Variants in EPHA5 observed in about 807,000 individuals in gnomAD.
EPHA5 encodes ephrin type-A receptor 5.
EPHA5 carries 60 observed loss-of-function variants against 105.0 expected under a neutral mutation model. The observed-to-expected ratio is 0.57, with a 90% confidence interval of 0.46 to 0.71. The LOEUF (loss-of-function observed/expected upper bound fraction) is 0.71. Among genes scored for constraint, EPHA5 ranks in the 30% least tolerant of loss-of-function variants. The probability of loss-of-function intolerance (pLI) is 0.00; values close to 1 mark genes in which losing one functional copy is unlikely to be tolerated. For missense variants in EPHA5, 1,218 were observed against 1,274.7 expected (o/e 0.96, Z 0.68); for synonymous variants, 513 against 449.1 (o/e 1.14, Z -1.80).
intron 2 of EPHA5, among the ~76,000 whole-genome samples, chr4:65,613,541 T>C (rs1439863940): frequency 7.2e-5 from 11 of 152,086 alleles, no homozygotes; most frequent in Non-Finnish European, 1.5e-4. Flanking sequence ...GTGTCATCTA[T>C]GGTTTATTTC....
chr4:65,659,635 C>A (rs1749388524), intron 1 of EPHA5, among the ~76,000 whole-genome samples: 1 of 151,926 alleles, frequency 6.6e-6, no homozygotes, highest in Non-Finnish European at 1.5e-5. Flanking sequence ...ATACGTAAAC[C>A]ACTTAGAACA....
At chr4:65,495,264 A>G (rs889404028) in intron 4 of EPHA5, 124 bp downstream of exon 4, 3 of 1,077,282 alleles carry the variant, frequency 2.8e-6, no homozygotes, top group African/African-American at 3.2e-5. Context: ...AAAACTGTAT[A>G]GAGATGATTA....
rs147702842 is a variant in EPHA5, at chr4:65,404,465, T to C, written c.1702A>G (p.Ser568Gly). Residue 568 changes from serine (S) to glycine (G), a missense_variant, in exon 8 of 17, where the codon AGC becomes GGC. Around this residue, in one of 3 missense-constraint regions of EPHA5, gnomAD observed 971 missense variants for 1,013.5 expected, o/e 0.96. Coordinates refer to ENST00000613740, the MANE Select transcript of EPHA5 (RefSeq NM_001281766.3). ...ATTACAGGAATCTGGCTTTGATCGC[T>C]GGATGCTGCAACTGCTGATAGGAGA... ...ETTPVSVAASSDQSQIPVIAV... is the reference protein window; with the variant it reads ...ETTPVSVAASGDQSQIPVIAV... 2 of 1,613,588 alleles carry C rather than the reference T, an allele frequency of 1.2e-6. No individual in the cohort carries two copies. The highest frequency in any genetic ancestry group is 8.5e-7 in the Non-Finnish European group (1 of 1,179,740).
At chr4:65,458,014 C>A (rs1727765693) in intron 5 of EPHA5, among the ~76,000 whole-genome samples, 1 of 130,016 alleles carries the variant, frequency 7.7e-6, no homozygotes, top group Non-Finnish European at 1.5e-5. Flanking sequence ...GCGGAACTTG[C>A]AGTGAGCCGA....
chr4:65,499,198 A>T (rs1327219956), intron 3 of EPHA5, among the ~76,000 whole-genome samples: 2 of 151,564 alleles, frequency 1.3e-5, no homozygotes, highest in African/African-American at 4.8e-5. Context: ...CTCCAAACCT[A>T]TATGTCATGG....
At chr4:65,575,845 T>C (rs10007598) in intron 3 of EPHA5, among the ~76,000 whole-genome samples, 9,073 of 151,004 alleles carry the variant, frequency 0.06, 387 homozygotes, top group Admixed American at 0.11. Context: ...GGCGTAGTGA[T>C]GGGCGCCTGT....
At chr4:65,465,526 AGAAAAGAAAGGAAAGGAAG>A (rs1560567410) in intron 5 of EPHA5, among the ~76,000 whole-genome samples, 1 of 88,282 alleles carries the variant, frequency 1.1e-5, no homozygotes, top group Non-Finnish European at 2.3e-5. Context: ...AAAGAAAGAA[AGAAAAGAAAGGAAAGGAAG>A]GAAAGGAAGG....
intron 3 of EPHA5, among the ~76,000 whole-genome samples, chr4:65,510,603 T>G (rs1733523910): frequency 6.6e-6 from 1 of 152,182 alleles, no homozygotes; most frequent in Admixed American, 6.5e-5. Context: ...AATGTGTATG[T>G]GTGTGAGTAT....
chr4:65,435,052 T>C (rs1725348880), intron 5 of EPHA5, among the ~76,000 whole-genome samples: 1 of 152,116 alleles, frequency 6.6e-6, no homozygotes, highest in Non-Finnish European at 1.5e-5. Flanking sequence ...CACATAAGGA[T>C]AGGAATTTGC....
intron 5 of EPHA5, among the ~76,000 whole-genome samples, chr4:65,476,854 C>T (rs552393846): frequency 1.3e-3 from 193 of 152,158 alleles, no homozygotes; most frequent in African/African-American, 4.5e-3. Context: ...CTATTAATTA[C>T]AATTAGTGTA....
intron 3 of EPHA5, among the ~76,000 whole-genome samples, chr4:65,576,097 A>G (rs1740985439): frequency 1.0e-5 from 1 of 97,296 alleles, no homozygotes; most frequent in South Asian, 3.7e-4. Flanking sequence ...AGAAAAGAAA[A>G]GAAAAGAAAA....
Position 65,474,119 on chromosome 4 carries a change from A to T in EPHA5, c.1402+16258T>A, listed in dbSNP as rs938605913. Among the ~76,000 whole-genome samples, 4 of 152,178 alleles carry T rather than the reference A, an allele frequency of 2.6e-5. No homozygotes were observed. In the East Asian group the frequency reaches 7.7e-4, roughly 29 times the overall value. On this transcript the variant is annotated intron_variant, in intron 5 of 16. Transcript: ENST00000613740. ...ACACCAACATGGCACATGTATACAT[A>T]TGTAACAAACCTGCACATTGTGCAC... is the stretch of plus-strand genomic sequence containing the variant.
At chr4:65,580,081 C>T (rs1741466493) in intron 3 of EPHA5, among the ~76,000 whole-genome samples, 2 of 151,698 alleles carry the variant, frequency 1.3e-5, no homozygotes, top group Admixed American at 1.3e-4. Context: ...AAGAACGAGA[C>T]TTAGAGATCA....
At chr4:65,508,292 G>C (rs1025000110) in intron 3 of EPHA5, among the ~76,000 whole-genome samples, 1 of 151,980 alleles carries the variant, frequency 6.6e-6, no homozygotes, top group Non-Finnish European at 1.5e-5. Flanking sequence ...ATGTCTATAC[G>C]GTCATAAAAT....
intron 3 of EPHA5, among the ~76,000 whole-genome samples, chr4:65,599,848 A>G (rs182703262): frequency 6.6e-6 from 1 of 152,310 alleles, no homozygotes; most frequent in East Asian, 1.9e-4. Flanking sequence ...ACTGCATTGC[A>G]TTCTGTCAGA....
chr4:65,383,744 T>C (rs779966778), intron 8 of EPHA5, among the ~76,000 whole-genome samples: 8 of 151,550 alleles, frequency 5.3e-5, no homozygotes, highest in Non-Finnish European at 1.2e-4. Flanking sequence ...CTCAGACACT[T>C]GGACATCTCT....
intron 8 of EPHA5, among the ~76,000 whole-genome samples, chr4:65,403,714 CTT>C (rs923164842): frequency 1.3e-5 from 2 of 151,892 alleles, no homozygotes; most frequent in Non-Finnish European, 1.5e-5. Context: ...ATTGTTAAGA[CTT>C]TATCTCTTTT....
chr4:65,431,925 A>T (rs147469852), intron 5 of EPHA5, among the ~76,000 whole-genome samples: 2 of 152,258 alleles, frequency 1.3e-5, no homozygotes, highest in East Asian at 3.9e-4. Context: ...CAAGAAGCCA[A>T]TGAAACAGGA....
In EPHA5 at chr4:65,367,416, C is replaced by T. The variant is rs1718023658; in HGVS notation, c.1802G>A (p.Gly601Asp). The T allele has an allele frequency of 6.2e-7, 1 of 1,611,898 alleles. No homozygotes were observed. The highest frequency in any genetic ancestry group is 1.7e-5 in the Admixed American group (1 of 59,900). ...TGGATCTTGTTTTGCTTTGCTGTAG[C>T]CACACCGCCTGGAACAAAGTAAGCT... The part of the protein sequence containing the change: ...IGVLLSGRRC[G>D]YSKAKQDPEE... Residue 601 changes from glycine (G) to aspartate (D), a missense_variant, in exon 9 of 17, where the codon GGC (glycine) becomes GAC (aspartate). Physicochemically the swap from Gly to Asp is moderately conservative, Grantham distance 94. Around this residue, in one of 3 missense-constraint regions of EPHA5, gnomAD observed 971 missense variants for 1,013.5 expected, o/e 0.96. Coordinates refer to ENST00000613740, the MANE Select transcript of EPHA5 (RefSeq NM_001281766.3).
Sources: allele counts gnomAD v4.1 joint callset (sites outside exome capture counted in the v4.1 genomes callset), GRCh38; gene constraint gnomAD v4.1.1; regional missense constraint gnomAD v4.1.1; transcripts MANE v1.5; gene names NCBI Gene and HGNC (gene_info 2026-07-23, HGNC 2026-07-21).